The following KCNQ5 variants were observed in gnomAD, a reference collection of about 807,000 sequenced individuals.
KCNQ5 encodes the protein potassium voltage-gated channel subfamily Q member 5.
KCNQ5 carries 30 observed loss-of-function variants against 98.2 expected under a neutral mutation model. That is an observed-to-expected ratio of 0.31 (90% CI 0.23 to 0.41). The LOEUF is 0.41. Among genes scored for constraint, KCNQ5 ranks in the 10% least tolerant of loss-of-function variants. The pLI is 1.00. For missense variants in KCNQ5, 835 were observed against 1,182.5 expected, an observed-to-expected ratio of 0.71 and a Z score of 4.31; for synonymous variants, 458 against 449.4, an observed-to-expected ratio of 1.02 and a Z score of -0.24.
At chr6:72,637,000 C>T (rs539022498) in intron 1 of KCNQ5, among the ~76,000 whole-genome samples, 7 of 152,300 alleles carry the variant, frequency 4.6e-5, no homozygotes, top group African/African-American at 1.7e-4. Flanking sequence ...TGCAAGTGGG[C>T]GTTCTGCTCA....
intron 1 of KCNQ5, among the ~76,000 whole-genome samples, chr6:72,681,673 C>A (rs914370484): frequency 1.3e-5 from 2 of 152,134 alleles, no homozygotes; most frequent in Non-Finnish European, 2.9e-5. Context: ...GCTTTTGTTC[C>A]GGATCTTGCG....
intron 10 of KCNQ5, among the ~76,000 whole-genome samples, chr6:73,144,776 T>C (rs11963032): frequency 0.12 from 18,785 of 152,230 alleles, 1,460 homozygotes; most frequent in East Asian, 0.28. Context: ...TTAGAATTAC[T>C]GCTCTTTGCT....
chr6:72,859,643 C>T (rs1466696630), intron 1 of KCNQ5, among the ~76,000 whole-genome samples: 1 of 151,946 alleles, frequency 6.6e-6, no homozygotes, highest in Non-Finnish European at 1.5e-5. Context: ...TGCAGTGGAG[C>T]AATCACAGCT....
intron 1 of KCNQ5, among the ~76,000 whole-genome samples, chr6:72,861,527 G>T (rs1044203742): frequency 6.6e-6 from 1 of 152,124 alleles, no homozygotes; most frequent in Admixed American, 6.5e-5. Context: ...AGTTTCCTTG[G>T]AAATTCAGTT....
At chr6:72,705,556 C>G (rs866361281) in intron 1 of KCNQ5, among the ~76,000 whole-genome samples, 1 of 149,642 alleles carries the variant, frequency 6.7e-6, no homozygotes, top group African/African-American at 2.5e-5. Flanking sequence ...GTTTTACTGT[C>G]CAAATTTTTT....
At chr6:72,777,038 G>A (rs1252111961) in intron 1 of KCNQ5, among the ~76,000 whole-genome samples, 1 of 152,172 alleles carries the variant, frequency 6.6e-6, no homozygotes, top group Admixed American at 6.5e-5. Flanking sequence ...GGGAAATAAT[G>A]TGTTGTGAAG....
intron 1 of KCNQ5, among the ~76,000 whole-genome samples, chr6:72,932,975 T>C (rs1265778173): frequency 6.6e-6 from 1 of 152,212 alleles, no homozygotes; most frequent in Non-Finnish European, 1.5e-5. Context: ...CAACTAAGAA[T>C]ATATCTGCCA....
At chr6:73,086,364 G>A (rs1773988213) in intron 5 of KCNQ5, among the ~76,000 whole-genome samples, 1 of 152,130 alleles carries the variant, frequency 6.6e-6, no homozygotes, top group South Asian at 2.1e-4. Flanking sequence ...TACCCCCACT[G>A]TGGAAGCGCT....
intron 3 of KCNQ5, among the ~76,000 whole-genome samples, chr6:73,058,407 T>G (rs865892864): frequency 6.6e-6 from 1 of 151,570 alleles, no homozygotes; most frequent in Admixed American, 6.6e-5. Flanking sequence ...CGAGACTCCG[T>G]CTCAAAAAAA....
At position 72,904,162 on chromosome 6, in the gene KCNQ5, G is replaced by A. The variant is rs1779611510; in HGVS notation, c.399-99746G>A. ...ACAAGAATAGCTTTAAATGTGTTTTGTCTGATACAAGAATAGCTTGCTTTT... is the reference window on the plus strand; with the variant it reads ...ACAAGAATAGCTTTAAATGTGTTTTATCTGATACAAGAATAGCTTGCTTTT... On this transcript the variant is annotated intron_variant, in intron 1 of 13. Coordinates refer to ENST00000370398, the MANE Select transcript of KCNQ5 (RefSeq NM_019842.4). Among the ~76,000 whole-genome samples the A allele has an allele frequency of 3.3e-5, 5 of 152,048 alleles. No homozygotes were observed. In the South Asian group the frequency reaches 1.0e-3, roughly 32 times the overall value.
intron 10 of KCNQ5, among the ~76,000 whole-genome samples, chr6:73,138,703 G>A (rs940999056): frequency 6.6e-6 from 1 of 152,176 alleles, no homozygotes; most frequent in African/African-American, 2.4e-5. Context: ...ATCCTCATCA[G>A]GTGTTTATGG....
At chr6:72,813,613 G>A (rs1476757713) in intron 1 of KCNQ5, among the ~76,000 whole-genome samples, 2 of 97,886 alleles carry the variant, frequency 2.0e-5, no homozygotes, top group African/African-American at 3.3e-5. Context: ...TGTCCAAGAG[G>A]TATTGATTCC....
chr6:72,650,915 AG>A (rs915032237), intron 1 of KCNQ5, among the ~76,000 whole-genome samples: 1 of 152,058 alleles, frequency 6.6e-6, no homozygotes, highest in African/African-American at 2.4e-5. Context: ...GGATGGTCAG[AG>A]GGGGTCGTGT....
chr6:72,969,430 A>G (rs1410306741), intron 1 of KCNQ5, among the ~76,000 whole-genome samples: 1 of 152,122 alleles, frequency 6.6e-6, no homozygotes, highest in African/African-American at 2.4e-5. Flanking sequence ...AATAATGGCA[A>G]TTTCATATGG....
At chr6:73,028,650 A>G (rs1224168922) in intron 2 of KCNQ5, among the ~76,000 whole-genome samples, 1 of 152,182 alleles carries the variant, frequency 6.6e-6, no homozygotes, top group Non-Finnish European at 1.5e-5. Flanking sequence ...TTCTCTCTCC[A>G]ATACATTCTT....
chr6:73,155,155 C>T (rs1042520585), intron 10 of KCNQ5, among the ~76,000 whole-genome samples: 3 of 152,184 alleles, frequency 2.0e-5, no homozygotes, highest in South Asian at 2.1e-4. Context: ...AACTCCATCA[C>T]GCCACCCTGC....
chr6:73,133,698 T>C, intron 10 of KCNQ5, 57 bp downstream of exon 10: 2 of 1,415,818 alleles, frequency 1.4e-6, no homozygotes, highest in Admixed American at 1.8e-5. Flanking sequence ...TGAGTGAGAT[T>C]ATGAAGTAAT....
In KCNQ5 at chr6:73,169,870, G is replaced by C. The variant is rs777566986; in HGVS notation, c.1577+16G>C. On this transcript the variant is annotated intron_variant, in intron 11 of 13. Transcript: ENST00000370398. ...GAGCTATCAGGTTGGTGAAAATCTTGAACAACGTGATTCAGAGACATACTT... is the reference window on the plus strand; with the variant it reads ...GAGCTATCAGGTTGGTGAAAATCTTCAACAACGTGATTCAGAGACATACTT... 6.8e-7 allele frequency: 1 copy of C among 1,471,972 alleles called. No homozygotes were observed. 91.2% of individuals were successfully genotyped at this position (1,471,972 alleles called of 1,614,324 possible).
At chr6:72,743,265 T>C (rs1427071686) in intron 1 of KCNQ5, among the ~76,000 whole-genome samples, 1 of 151,804 alleles carries the variant, frequency 6.6e-6, no homozygotes, top group Non-Finnish European at 1.5e-5. Flanking sequence ...TTAGTTTTTC[T>C]TCACTGGTGC....
Sources: gnomAD v4.1 joint callset for allele counts (sites outside exome capture counted in the v4.1 genomes callset) on GRCh38, gnomAD v4.1.1 for gene constraint, MANE v1.5 for transcripts, NCBI Gene and HGNC (gene_info 2026-07-23, HGNC 2026-07-21) for gene names.